SCRG1: variants seen among roughly 807,000 people sequenced by gnomAD.
SCRG1 encodes the protein stimulator of chondrogenesis 1.
SCRG1 carries 3 observed loss-of-function variants against 7.7 expected under a neutral mutation model. That is an observed-to-expected ratio of 0.39 (90% CI 0.18 to 1.01). The LOEUF (loss-of-function observed/expected upper bound fraction) is 1.01. SCRG1 is among the 50% of genes least tolerant of loss of function. SCRG1 has a pLI of 0.36. For synonymous variants in SCRG1, 46 were observed against 41.2 expected (o/e 1.12, Z -0.44); for missense variants, 110 against 117.2 (o/e 0.94, Z 0.28).
intron 1 of SCRG1, among the ~76,000 whole-genome samples, chr4:173,393,017 G>A (rs1230200634): frequency 6.6e-6 from 1 of 151,992 alleles, no homozygotes; most frequent in African/African-American, 2.4e-5. Flanking sequence ...CTTGAACCTG[G>A]GAGACAGAGG....
chr4:173,483,171 A>T, the SCRG1 span, among the ~76,000 whole-genome samples: 1 of 128,480 alleles, frequency 7.8e-6, no homozygotes, highest in Non-Finnish European at 1.6e-5. Context: ...ATAACATATA[A>T]CATATAATAT....
chr4:173,433,827 TCC>T, the SCRG1 span, among the ~76,000 whole-genome samples: 1 of 152,182 alleles, frequency 6.6e-6, no homozygotes, highest in Non-Finnish European at 1.5e-5. Flanking sequence ...TCCTACAAGC[TCC>T]TGATGTATCA....
the SCRG1 span, among the ~76,000 whole-genome samples, chr4:173,483,004 T>A: frequency 2.3e-5 from 3 of 130,896 alleles, no homozygotes; most frequent in Non-Finnish European, 4.7e-5. Flanking sequence ...TTCATATGTA[T>A]AATATATTAT....
At chr4:173,389,978 A>G (rs1219247457) in intron 2 of SCRG1, 2 of 256,064 alleles carry the variant, frequency 7.8e-6, no homozygotes, top group Admixed American at 8.7e-5. Context: ...AACCAGGGGG[A>G]AATGATTTTA....
the SCRG1 span, among the ~76,000 whole-genome samples, chr4:173,471,854 C>T: frequency 6.6e-6 from 1 of 152,198 alleles, no homozygotes; most frequent in Non-Finnish European, 1.5e-5. Flanking sequence ...GGATTATAGG[C>T]ATGCCCCACC....
At chr4:173,467,725 T>C in the SCRG1 span, 4 of 152,170 alleles carry the variant, frequency 2.6e-5, no homozygotes, top group Admixed American at 2.6e-4. Context: ...TTCATCTGAA[T>C]TATAAAAGCC....
chr4:173,485,118 A>G, the SCRG1 span, among the ~76,000 whole-genome samples: 1 of 19,754 alleles, frequency 5.1e-5, no homozygotes, highest in African/African-American at 1.1e-4. Flanking sequence ...ATTATATAAT[A>G]TATAATATAT....
chr4:173,476,655 C>T, the SCRG1 span, among the ~76,000 whole-genome samples: 1 of 151,800 alleles, frequency 6.6e-6, no homozygotes, highest in East Asian at 1.9e-4. Flanking sequence ...TACTGAATCT[C>T]CAGCCTGATA....
the SCRG1 span, among the ~76,000 whole-genome samples, chr4:173,446,296 G>C: frequency 6.6e-6 from 1 of 151,984 alleles, no homozygotes; most frequent in South Asian, 2.1e-4. Context: ...GCATTTTGAT[G>C]GTGCAAAAGC....
At chr4:173,484,017 T>C in the SCRG1 span, among the ~76,000 whole-genome samples, 1 of 93,244 alleles carries the variant, frequency 1.1e-5, no homozygotes, top group Non-Finnish European at 1.8e-5. Context: ...TATTATATAA[T>C]ATATTATAAT....
chr4:173,441,724 T>C, the SCRG1 span, among the ~76,000 whole-genome samples: 1 of 152,156 alleles, frequency 6.6e-6, no homozygotes, highest in Non-Finnish European at 1.5e-5. Context: ...AAGTCTGTAG[T>C]CTAGGCTGGG....
the SCRG1 span, among the ~76,000 whole-genome samples, chr4:173,458,395 G>T: frequency 1.3e-5 from 2 of 152,032 alleles, no homozygotes; most frequent in Non-Finnish European, 2.9e-5. Context: ...AAAAACAGAT[G>T]AAGTTAATTT....
At chr4:173,496,014 G>A in the SCRG1 span, among the ~76,000 whole-genome samples, 1 of 152,098 alleles carries the variant, frequency 6.6e-6, no homozygotes, top group Admixed American at 6.5e-5. Flanking sequence ...CAGGCAGAAA[G>A]ACAACATGTG....
chr4:173,445,583 G>GAAAAA, the SCRG1 span, among the ~76,000 whole-genome samples: 6 of 141,440 alleles, frequency 4.2e-5, no homozygotes, highest in African/African-American at 1.3e-4. Flanking sequence ...CTCCGTCTCG[G>GAAAAA]AAAAAAAAAA....
At chr4:173,510,678 G>A in the SCRG1 span, among the ~76,000 whole-genome samples, 1 of 152,080 alleles carries the variant, frequency 6.6e-6, no homozygotes, top group African/African-American at 2.4e-5. The surrounding 1 kb of genome is among the most constrained non-coding windows in gnomAD (Gnocchi z 5.7). Context: ...CTCTAGTTGG[G>A]ATATAGCCTC....
the SCRG1 span, among the ~76,000 whole-genome samples, chr4:173,491,584 A>T: frequency 6.6e-6 from 1 of 152,206 alleles, no homozygotes; most frequent in Non-Finnish European, 1.5e-5. Flanking sequence ...GAGTCAAGGA[A>T]TCAGCTCCTG....
At chr4:173,487,733 A>T in the SCRG1 span, among the ~76,000 whole-genome samples, 1 of 152,008 alleles carries the variant, frequency 6.6e-6, no homozygotes, top group Non-Finnish European at 1.5e-5. Context: ...TTAAATTTTA[A>T]ATTTAAGTTG....
chr4:173,419,722 G>T, the SCRG1 span: 1 of 1,032,262 alleles, frequency 9.7e-7, no homozygotes, highest in Non-Finnish European at 1.5e-6. Flanking sequence ...TGGTAGTTCT[G>T]GCAAGGTCTG....
chr4:173,509,699 G>C, the SCRG1 span, among the ~76,000 whole-genome samples: 2 of 152,102 alleles, frequency 1.3e-5, no homozygotes, highest in African/African-American at 4.8e-5. The surrounding 1 kb of genome is among the most constrained non-coding windows in gnomAD (Gnocchi z 5.7). Context: ...GGGGTGTCGG[G>C]CGGTGTCCGC....
Sources: gnomAD v4.1 joint callset for allele counts (sites outside exome capture counted in the v4.1 genomes callset) on GRCh38, gnomAD v4.1.1 for gene constraint, Gnocchi (gnomAD v3.1) non-coding constraint, MANE v1.5 for transcripts, NCBI Gene and HGNC (gene_info 2026-07-23, HGNC 2026-07-21) for gene names.